EIF4G3: variants seen among roughly 807,000 people sequenced by gnomAD.
EIF4G3 encodes the protein eIF-4-gamma 3.
EIF4G3 carries 34 observed loss-of-function variants against 186.4 expected under a neutral mutation model. That is an observed-to-expected ratio of 0.18 (90% CI 0.14 to 0.24). The LOEUF is 0.24. EIF4G3 is among the 10% of genes least tolerant of loss of function. The pLI, the probability that EIF4G3 is intolerant of heterozygous loss-of-function variation, is 1.00. For missense variants in EIF4G3, 1,536 were observed against 1,948.5 expected, an observed-to-expected ratio of 0.79 and a Z score of 3.99; for synonymous variants, 673 against 679.5, an observed-to-expected ratio of 0.99 and a Z score of 0.15.
intron 16 of EIF4G3, among the ~76,000 whole-genome samples, chr1:20,898,864 G>C (rs2089344479): frequency 6.6e-6 from 1 of 152,208 alleles, no homozygotes; most frequent in Admixed American, 6.5e-5. Flanking sequence ...CCAAGTAGCT[G>C]AAATTACAGG....
At chr1:21,029,480 A>T (rs1362361952) in intron 4 of EIF4G3, among the ~76,000 whole-genome samples, 1 of 151,670 alleles carries the variant, frequency 6.6e-6, no homozygotes, top group African/African-American at 2.4e-5. Context: ...GGGGGAAGGG[A>T]ACTAGTGGGC....
At chr1:20,944,196 AC>A (rs1051723633) in intron 13 of EIF4G3, among the ~76,000 whole-genome samples, 1 of 152,018 alleles carries the variant, frequency 6.6e-6, no homozygotes, top group African/African-American at 2.4e-5. Context: ...CTTTATGACC[AC>A]TGACTGAAAC....
chr1:21,051,125 C>T (rs574204007), intron 3 of EIF4G3, 131 bp from the exon 4 acceptor site: 2 of 582,248 alleles, frequency 3.4e-6, no homozygotes, highest in South Asian at 2.1e-5. Flanking sequence ...CGAGACTGAA[C>T]AAACACTTAA....
At position 20,893,659 on chromosome 1, in the gene EIF4G3, G is replaced by A. The variant is rs375026859; in HGVS notation, c.2134-23C>T. On this transcript the variant is annotated intron_variant, in intron 17 of 36. Coordinates refer to ENST00000602326, the MANE Select transcript of EIF4G3 (RefSeq NM_001391906.1). Reference sequence around the variant, plus strand: ...GATCTGCATGAAAAAGCAAAAGAAAGCTTAATACATGTTCCAGAGCATTCC... The same window carrying A: ...GATCTGCATGAAAAAGCAAAAGAAAACTTAATACATGTTCCAGAGCATTCC... The A allele has an allele frequency of 1.6e-5, 25 of 1,516,066 alleles. No individual in the cohort carries two copies. The African/African-American group carries it at 3.2e-4, about 19-fold the overall frequency. The allele number at this position is 1,516,066 out of a possible 1,614,324, so 93.9% of individuals were successfully genotyped here.
chr1:20,865,767 G>A (rs1365570879), intron 20 of EIF4G3, among the ~76,000 whole-genome samples: 1 of 152,002 alleles, frequency 6.6e-6, no homozygotes, highest in Non-Finnish European at 1.5e-5. Context: ...CTTTTCATTG[G>A]GGAATGTCAT....
chr1:20,878,985 A>T (rs901806171), intron 20 of EIF4G3, among the ~76,000 whole-genome samples: 1 of 152,222 alleles, frequency 6.6e-6, no homozygotes, highest in African/African-American at 2.4e-5. Flanking sequence ...TAAATGTGAA[A>T]GCACGCATTT....
chr1:20,827,362 A>G (rs189901588), intron 32 of EIF4G3, among the ~76,000 whole-genome samples: 4 of 152,340 alleles, frequency 2.6e-5, no homozygotes, highest in African/African-American at 9.6e-5. Context: ...AAAGGAAGAA[A>G]AAATCAACTA....
At chr1:21,154,929 T>C (rs1007658975) in intron 2 of EIF4G3, among the ~76,000 whole-genome samples, 1 of 152,104 alleles carries the variant, frequency 6.6e-6, no homozygotes, top group African/African-American at 2.4e-5. Context: ...TGACTAACCA[T>C]AAACAAAGGC....
At chr1:20,817,287 T>TAAATAAAAAAAATAA in intron 34 of EIF4G3, 105 bp downstream of exon 34, 1 of 368,104 alleles carries the variant, frequency 2.7e-6, no homozygotes. Context: ...TAAAAAAAAA[T>TAAATAAAAAAAATAA]AAAAATAAAA....
At chr1:20,869,288 A>C (rs1002647753) in intron 20 of EIF4G3, among the ~76,000 whole-genome samples, 1 of 150,188 alleles carries the variant, frequency 6.7e-6, no homozygotes, top group Non-Finnish European at 1.5e-5. Flanking sequence ...TGGTTTCTAG[A>C]GGATAGTTTA....
Position 20,895,500 on chromosome 1 carries a change from T to C in EIF4G3, c.2001A>G (p.Glu667=), listed in dbSNP as rs1191168996. Reference sequence around the variant, plus strand: ...CTTCAGTATCAGTAGGCTTCCAGGATTCTAGAAAGAGGAATATAGGCAGAC... The same window carrying C: ...CTTCAGTATCAGTAGGCTTCCAGGACTCTAGAAAGAGGAATATAGGCAGAC... ...GDGVTFPFKP[E]SWKPTDTEGK... Residue 667 remains glutamate, a splice_region_variant and synonymous_variant, in exon 17 of 37, where the codon GAA becomes GAG. Transcript: ENST00000602326. The C allele has an allele frequency of 6.2e-7, 1 of 1,613,860 alleles. No homozygotes were observed. Among genetic ancestry groups the C allele is most frequent in the Admixed American group, 1.7e-5 (1 of 59,954 alleles).
chr1:20,969,870 T>G (rs6692081), intron 11 of EIF4G3, among the ~76,000 whole-genome samples: 1 of 152,022 alleles, frequency 6.6e-6, no homozygotes, highest in African/African-American at 2.4e-5. Context: ...ACTTGTTTTG[T>G]AAGAACCTGT....
intron 4 of EIF4G3, among the ~76,000 whole-genome samples, chr1:21,011,924 A>G (rs549894861): frequency 6.6e-6 from 1 of 152,276 alleles, no homozygotes; most frequent in East Asian, 1.9e-4. Flanking sequence ...TTGCAATGCC[A>G]TTTTACTTGA....
intron 2 of EIF4G3, among the ~76,000 whole-genome samples, chr1:21,110,051 G>C (rs544718340): frequency 4.6e-5 from 7 of 152,134 alleles, no homozygotes; most frequent in Non-Finnish European, 1.0e-4. Flanking sequence ...GCCTCCCAAA[G>C]TGCTAGGATT....
At chr1:21,130,634 T>C (rs1245278407) in intron 2 of EIF4G3, among the ~76,000 whole-genome samples, 1 of 152,070 alleles carries the variant, frequency 6.6e-6, no homozygotes, top group Non-Finnish European at 1.5e-5. Flanking sequence ...TATACAATGT[T>C]CAACGCTTAA....
At chr1:20,873,329 A>G (rs1236231904) in intron 20 of EIF4G3, among the ~76,000 whole-genome samples, 1 of 152,186 alleles carries the variant, frequency 6.6e-6, no homozygotes, top group African/African-American at 2.4e-5. Flanking sequence ...ATTTTTGTAT[A>G]TATTTCCTAG....
intron 2 of EIF4G3, among the ~76,000 whole-genome samples, chr1:21,109,429 G>A (rs1008365895): frequency 6.6e-6 from 1 of 152,180 alleles, no homozygotes; most frequent in Non-Finnish European, 1.5e-5. Context: ...AGGATCGCTT[G>A]AGCCCAGGAG....
intron 2 of EIF4G3, among the ~76,000 whole-genome samples, chr1:21,166,274 T>C (rs199923665): frequency 7.0e-6 from 1 of 142,642 alleles, no homozygotes; most frequent in African/African-American, 2.6e-5. Flanking sequence ...AAAAAAAAAT[T>C]AAAAAATTAG....
chr1:20,935,361 A>G (rs1573102069), intron 14 of EIF4G3, among the ~76,000 whole-genome samples: 2 of 152,312 alleles, frequency 1.3e-5, no homozygotes, highest in Middle Eastern at 6.8e-3. Flanking sequence ...ATGTACAATA[A>G]TTTTTATTAT....
Sources: gnomAD v4.1 joint callset for allele counts (sites outside exome capture counted in the v4.1 genomes callset) on GRCh38, gnomAD v4.1.1 for gene constraint, MANE v1.5 for transcripts, NCBI Gene and HGNC (gene_info 2026-07-23, HGNC 2026-07-21) for gene names.